FAT3: variants seen among roughly 807,000 people sequenced by gnomAD.
FAT3 encodes the protein protocadherin Fat 3.
FAT3 carries 95 observed loss-of-function variants against 310.2 expected under a neutral mutation model. The observed-to-expected ratio is 0.31, with a 90% confidence interval of 0.26 to 0.36. The LOEUF is 0.36. Among genes scored for constraint, FAT3 ranks in the 10% least tolerant of loss-of-function variants. The pLI is 1.00. For synonymous variants in FAT3, 2,314 were observed against 2,192.9 expected, an observed-to-expected ratio of 1.06 and a Z score of -1.54; for missense variants, 5,408 against 5,715.6, an observed-to-expected ratio of 0.95 and a Z score of 1.74.
At chr11:92,847,945 G>A (rs1163695403) in intron 19 of FAT3, among the ~76,000 whole-genome samples, 1 of 150,986 alleles carries the variant, frequency 6.6e-6, no homozygotes, top group African/African-American at 2.4e-5. Context: ...ACACACAGAC[G>A]TGCACCCACA....
At chr11:92,493,407 G>T (rs763984683) in intron 2 of FAT3, among the ~76,000 whole-genome samples, 1 of 152,048 alleles carries the variant, frequency 6.6e-6, no homozygotes, top group African/African-American at 2.4e-5. Flanking sequence ...CCCTGGCCTG[G>T]ACTGAACTCT....
intron 4 of FAT3, among the ~76,000 whole-genome samples, chr11:92,754,872 T>A (rs1336399582): frequency 6.6e-6 from 1 of 151,154 alleles, no homozygotes; most frequent in Non-Finnish European, 1.5e-5. Context: ...ATCTAAAAAA[T>A]AATAATAATA....
At chr11:92,528,695 T>C (rs1027678226) in intron 3 of FAT3, among the ~76,000 whole-genome samples, 1 of 152,196 alleles carries the variant, frequency 6.6e-6, no homozygotes, top group African/African-American at 2.4e-5. Flanking sequence ...TCCAGTTCTT[T>C]TGAGGGAGTC....
intron 3 of FAT3, among the ~76,000 whole-genome samples, chr11:92,539,940 GCTTGGTGTC>G (rs1327939510): frequency 6.6e-6 from 1 of 152,176 alleles, no homozygotes; most frequent in African/African-American, 2.4e-5. Flanking sequence ...AGGGCCACAT[GCTTGGTGTC>G]CTTCTGTCAC....
At chr11:92,881,073 G>A (rs1388604637) in intron 23 of FAT3, among the ~76,000 whole-genome samples, 189 bp downstream of exon 23, 2 of 152,156 alleles carry the variant, frequency 1.3e-5, no homozygotes, top group African/African-American at 2.4e-5. Context: ...GGGTAGTAGG[G>A]TCATGAGTAA....
intron 2 of FAT3, among the ~76,000 whole-genome samples, chr11:92,411,069 A>AATATATATAAATATATATT (rs1950249589): frequency 7.0e-6 from 1 of 142,802 alleles, no homozygotes; most frequent in African/African-American, 2.6e-5. Flanking sequence ...AAATATATAT[A>AATATATATAAATATATATT]AATATATGAG....
In FAT3 at chr11:92,891,082, T is replaced by C; in HGVS notation, c.13739T>C (p.Phe4580Ser). Residue 4580 changes from phenylalanine to serine, a missense_variant, in exon 28 of 28, where the codon TTT (phenylalanine) becomes TCT (serine). Phe to Ser is a radical substitution (Grantham distance 155). Coordinates refer to ENST00000525166, the MANE Select transcript of FAT3 (RefSeq NM_001367949.2). ...ELSLASLHIP[F>S]VETQHQTQV is the part of the protein sequence containing the mutation. ...AGCCTCGCCAGCCTTCACATTCCCTTTGTGGAGACTCAGCATCAGACTCAA... is the reference window on the plus strand; with the variant it reads ...AGCCTCGCCAGCCTTCACATTCCCTCTGTGGAGACTCAGCATCAGACTCAA... The C allele has an allele frequency of 6.2e-7, 1 of 1,613,768 alleles. No individual in the cohort carries two copies. The highest frequency in any genetic ancestry group is 1.1e-5 in the South Asian group (1 of 90,986).
At chr11:92,428,366 A>G (rs1040495244) in intron 2 of FAT3, among the ~76,000 whole-genome samples, 3 of 147,364 alleles carry the variant, frequency 2.0e-5, no homozygotes, top group South Asian at 2.1e-4. Context: ...AGGGTTCTTC[A>G]TGCCTCTAAC....
chr11:92,566,828 G>A (rs960375823), intron 3 of FAT3, among the ~76,000 whole-genome samples: 48 of 152,196 alleles, frequency 3.2e-4, no homozygotes, highest in African/African-American at 6.0e-4. Context: ...AAAACTGGCT[G>A]GCCATATGTA....
intron 3 of FAT3, among the ~76,000 whole-genome samples, chr11:92,627,557 C>T (rs932646715): frequency 2.2e-4 from 33 of 152,014 alleles, no homozygotes; most frequent in Admixed American, 2.2e-3. Context: ...AGAGATGTCC[C>T]CTTAGGAAAA....
chr11:92,269,365 G>C (rs1046796932), intron 1 of FAT3, among the ~76,000 whole-genome samples: 19 of 152,132 alleles, frequency 1.2e-4, no homozygotes, highest in African/African-American at 4.6e-4. Flanking sequence ...CAAGTATGTA[G>C]TGGGTCAGGT....
intron 2 of FAT3, among the ~76,000 whole-genome samples, chr11:92,392,306 C>A (rs1229523967): frequency 6.6e-6 from 1 of 152,072 alleles, no homozygotes; most frequent in African/African-American, 2.4e-5. Flanking sequence ...AAATAGCTAT[C>A]AATTATTGAG....
intron 4 of FAT3, among the ~76,000 whole-genome samples, chr11:92,706,600 T>A (rs956344865): frequency 1.3e-5 from 2 of 152,218 alleles, no homozygotes; most frequent in South Asian, 2.1e-4. Flanking sequence ...CATCATTTTT[T>A]TTAAAACACT....
At chr11:92,291,586 C>T (rs576990876) in intron 1 of FAT3, among the ~76,000 whole-genome samples, 14 of 150,682 alleles carry the variant, frequency 9.3e-5, no homozygotes, top group African/African-American at 1.7e-4. Flanking sequence ...TTCCTCTGGA[C>T]GAAGAGAGTT....
intron 2 of FAT3, among the ~76,000 whole-genome samples, chr11:92,472,555 C>T (rs1393615444): frequency 2.0e-5 from 3 of 152,122 alleles, no homozygotes; most frequent in African/African-American, 7.2e-5. Context: ...TCTGTGGACA[C>T]CAAAGATGTT....
intron 3 of FAT3, among the ~76,000 whole-genome samples, chr11:92,573,726 A>G (rs1938311963): frequency 6.6e-6 from 1 of 152,102 alleles, no homozygotes; most frequent in African/African-American, 2.4e-5. Context: ...AAGGGTAGCC[A>G]GCAGCTGCCA....
Position 92,354,764 on chromosome 11 carries a change from A to C in FAT3, c.2652A>C (p.Gly884=), listed in dbSNP as rs764335025. ...TQQFAINSST[G]IVYVADQLDR... ...AGTTTGCCATCAATAGCTCAACTGG[A>C]ATCGTTTATGTAGCCGACCAGTTGG... Residue 884 remains glycine, a synonymous_variant, in exon 2 of 28, where the codon GGA becomes GGC. Transcript: ENST00000525166. The C allele has an allele frequency of 6.2e-7, 1 of 1,613,940 alleles. No homozygotes were observed. Among genetic ancestry groups the C allele is most frequent in the South Asian group, 1.1e-5 (1 of 91,086 alleles).
chr11:92,284,326 C>T (rs1946507676), intron 1 of FAT3, among the ~76,000 whole-genome samples: 1 of 151,424 alleles, frequency 6.6e-6, no homozygotes, highest in Non-Finnish European at 1.5e-5. Flanking sequence ...GTGGGGTTCA[C>T]AATGGGAGAA....
intron 2 of FAT3, among the ~76,000 whole-genome samples, chr11:92,472,283 A>G (rs917978903): frequency 6.6e-6 from 1 of 152,130 alleles, no homozygotes; most frequent in African/African-American, 2.4e-5. Flanking sequence ...GTAAGTGGCT[A>G]TCAGTTCCCC....
Sources: allele counts gnomAD v4.1 joint callset (sites outside exome capture counted in the v4.1 genomes callset), GRCh38; gene constraint gnomAD v4.1.1; transcripts MANE v1.5; gene names NCBI Gene and HGNC (gene_info 2026-07-23, HGNC 2026-07-21).